IDH2: variants seen among roughly 807,000 people sequenced by gnomAD.
IDH2 encodes isocitrate dehydrogenase (NADP(+)) 2.
Under a neutral mutation model 50.5 loss-of-function variants are expected in IDH2, and 18 were observed. The ratio of observed to expected loss-of-function variants is 0.36; its 90% confidence interval spans 0.25 to 0.53. The LOEUF is 0.53. Among genes scored for constraint, IDH2 ranks in the 20% least tolerant of loss-of-function variants. The pLI is 0.92. For synonymous variants in IDH2, 280 were observed against 239.8 expected, an observed-to-expected ratio of 1.17 and a Z score of -1.55; for missense variants, 518 against 610.7, an observed-to-expected ratio of 0.85 and a Z score of 1.60.
chr15:90,101,391 G>C (rs1901326958), intron 1 of IDH2, among the ~76,000 whole-genome samples: 1 of 152,220 alleles, frequency 6.6e-6, no homozygotes, highest in South Asian at 2.1e-4. Flanking sequence ...TGGGTAGCCA[G>C]GGTGAGGGGG....
In IDH2 at chr15:90,098,637, T is replaced by C. The variant is rs574777548; in HGVS notation, c.115+3639A>G. ...TCGGCTCACTGCAAGCTCCACCTCC[T>C]GGGTTCAGGCAATTCTCCTGCCTCA... On this transcript the variant is annotated intron_variant, in intron 1 of 10. Transcript: ENST00000330062. This position sits in a 1 kb window ranked among gnomAD's most constrained non-coding sequence, Gnocchi z 5.1. 4.3e-4 allele frequency among the ~76,000 whole-genome samples: 64 copies of C among 149,158 alleles called. No individual in the cohort carries two copies. The highest frequency in any genetic ancestry group is 2.3e-3 in the South Asian group (11 of 4,698).
chr15:90,083,869 C>T lies in IDH2; in HGVS notation c.*397G>A, dbSNP rs1005989124. 7 of 318,794 alleles carry T rather than the reference C, an allele frequency of 2.2e-5. No individual in the cohort carries two copies. The East Asian group carries it at 3.7e-4, about 17-fold the overall frequency. The allele number at this position is 318,794 out of a possible 1,614,324, so 19.7% of individuals were successfully genotyped here. A position where few individuals can be genotyped will look rare whatever the true frequency, so the allele number is the denominator to read the frequency against. On this transcript the variant is annotated 3_prime_UTR_variant, in exon 11 of 11. Coordinates refer to ENST00000330062, the MANE Select transcript of IDH2 (RefSeq NM_002168.4). ...CTGGTCCCTTCCCTGCCGTGGCAGC[C>T]CCTTCCTGAGGTGCTCTGGTCTGCC...
chr15:90,084,945 A>C lies in IDH2; in HGVS notation c.1179-37T>G. 6.2e-7 allele frequency: 1 copy of C among 1,612,396 alleles called. No individual in the cohort carries two copies. The highest frequency in any genetic ancestry group is 8.5e-7 in the Non-Finnish European group (1 of 1,178,588). On this transcript the variant is annotated intron_variant, in intron 9 of 10. Transcript: ENST00000330062. This position sits in a 1 kb window ranked among gnomAD's most constrained non-coding sequence, Gnocchi z 5.0. The stretch of plus-strand genomic sequence containing the variant: ...GGGCAGAATGAGACCCCATCTGTGC[A>C]AGGGCAGGACCCAGAGCCTGTCCTG...
At chr15:90,087,620 C>T (rs776428776) in intron 5 of IDH2, 45 bp from the exon 6 acceptor site, 3 of 1,611,134 alleles carry the variant, frequency 1.9e-6, no homozygotes, top group Non-Finnish European at 2.5e-6. Context: ...CCTAGCCTGG[C>T]GATTGCCGGC....
chr15:90,096,170 C>T (rs2151554458), intron 1 of IDH2, among the ~76,000 whole-genome samples: 1 of 152,220 alleles, frequency 6.6e-6, no homozygotes, highest in African/African-American at 2.4e-5. Context: ...TGTGGTGACA[C>T]ACACCTGTAG....
chr15:90,085,001 C>T lies in IDH2; in HGVS notation c.1178G>A (p.Arg393Lys), dbSNP rs1340166037. The T allele has an allele frequency of 6.2e-7, 1 of 1,613,864 alleles. No individual in the cohort carries two copies. Among genetic ancestry groups the T allele is most frequent in the Non-Finnish European group, 8.5e-7 (1 of 1,179,868 alleles). Reference sequence around the variant, plus strand: ...CTCCGGCCTCTCCCTCCATGCTCACCTGATGAGGTCTTGGTTCCCATCCAG... The same window carrying T: ...CTCCGGCCTCTCCCTCCATGCTCACTTGATGAGGTCTTGGTTCCCATCCAG... ...GKLDGNQDLI[R>K]FAQMLEKVCV... The change falls in exon 9 of 11, where the codon AGG becomes AAG. Residue 393 changes from arginine (R) to lysine (K), a missense_variant and splice_region_variant. By Grantham distance (26) the Arg-to-Lys change is conservative. Transcript: ENST00000330062. The surrounding 1 kb of genome is among the most constrained non-coding windows in gnomAD (Gnocchi z 5.5).
Position 90,094,396 on chromosome 15 carries a change from A to G in IDH2, c.116-2752T>C, listed in dbSNP as rs373134013. 6.4e-4 allele frequency among the ~76,000 whole-genome samples: 98 copies of G among 152,334 alleles called. 2 individuals are homozygous for G. The South Asian group carries it at 0.017, about 26-fold the overall frequency. ...TGGGAAGAAGCAGCAAATGCAGAGC[A>G]GGGAACAAGATCTAATAAAACTTCA... is the stretch of plus-strand genomic sequence containing the variant. On this transcript the variant is annotated intron_variant, in intron 1 of 10. Transcript: ENST00000330062.
At position 90,090,314 on chromosome 15, in the gene IDH2, C is replaced by T. The variant is rs148202181; in HGVS notation, c.373+165G>A. Reference sequence around the variant, plus strand: ...TGTCCACCAGGCACACACAGGGAGACTGGCCTCAGGTGCAGTTGGCCTCAG... The same window carrying T: ...TGTCCACCAGGCACACACAGGGAGATTGGCCTCAGGTGCAGTTGGCCTCAG... On this transcript the variant is annotated intron_variant, in intron 3 of 10. Transcript: ENST00000330062. Among the ~76,000 whole-genome samples, 1,440 of 152,344 alleles carry T rather than the reference C, an allele frequency of 9.5e-3. 13 individuals carry two copies. The highest frequency in any genetic ancestry group is 0.044 in the South Asian group (212 of 4,832).
chr15:90,090,599 C>T lies in IDH2; in HGVS notation c.253G>A (p.Gly85Arg), dbSNP rs1316240101. 6.2e-7 allele frequency: 1 copy of T among 1,614,156 alleles called. No individual in the cohort carries two copies. Among genetic ancestry groups the T allele is most frequent in the Non-Finnish European group, 8.5e-7 (1 of 1,180,048 alleles). ...TCAGTCTGGTCACGGTTTGGGAGCC[C>T]GAGGTCAAAATACTTTAGCTGGATG... ...VDIQLKYFDL[G>R]LPNRDQTDDQ... is the part of the protein sequence containing the mutation. The change falls in exon 3 of 11, where the codon GGG (glycine) becomes AGG (arginine). Residue 85 changes from glycine (G) to arginine (R), a missense_variant. Around this residue, in one of 5 missense-constraint regions of IDH2, gnomAD observed 68 missense variants for 109.7 expected, o/e 0.62. Coordinates refer to ENST00000330062, the MANE Select transcript of IDH2 (RefSeq NM_002168.4).
Position 90,088,906 on chromosome 15 carries a change from ATTTT to A in IDH2, c.374-163_374-160del, listed in dbSNP as rs57901991. On this transcript the variant is annotated intron_variant, in intron 3 of 10. Transcript: ENST00000330062. ...AATGTGTGGGCTCTGGAGTCTGCCA[ATTTT>A]TTTTTTTTTTTTTTTTTTTTTGAGA... 1.9e-3 allele frequency among the ~76,000 whole-genome samples: 187 copies of A among 96,502 alleles called. 2 individuals carry two copies. Among genetic ancestry groups the A allele is most frequent in the African/African-American group, 6.5e-3 (173 of 26,552 alleles). The allele number at this position is 96,502 out of a possible 152,430, so 63.3% of individuals were successfully genotyped here. A position where few individuals can be genotyped will look rare whatever the true frequency, so the allele number is the denominator to read the frequency against.
At chr15:90,086,338 A>T (rs1427630223) in intron 7 of IDH2, among the ~76,000 whole-genome samples, 1 of 152,088 alleles carries the variant, frequency 6.6e-6, no homozygotes, top group East Asian at 1.9e-4. Flanking sequence ...TTCCCAACAC[A>T]ATTGGCCCAT....
intron 2 of IDH2, 116 bp downstream of exon 2, chr15:90,091,437 T>C (rs1273352985): frequency 2.6e-6 from 2 of 763,096 alleles, no homozygotes; most frequent in Non-Finnish European, 4.7e-6. Flanking sequence ...GAGCTGCTGC[T>C]GCCTACCAGG....
Position 90,088,481 on chromosome 15 carries a change from C to T in IDH2, c.556G>A (p.Ala186Thr), listed in dbSNP as rs1900934285. The T allele has an allele frequency of 6.2e-7, 1 of 1,614,122 alleles. No homozygotes were observed. The highest frequency in any genetic ancestry group is 1.7e-5 in the Admixed American group (1 of 60,004). Residue 186 changes from alanine to threonine, a missense_variant, in exon 5 of 11, where the codon GCA becomes ACA. Coordinates refer to ENST00000330062, the MANE Select transcript of IDH2 (RefSeq NM_002168.4). ...GDQYKATDFV[A>T]DRAGTFKMVF... ...ATTTTGAAAGTGCCGGCCCGGTCTGCCACAAAGTCTGTGGCCTTGTACTGC... is the reference window on the plus strand; with the variant it reads ...ATTTTGAAAGTGCCGGCCCGGTCTGTCACAAAGTCTGTGGCCTTGTACTGC...
At position 90,100,387 on chromosome 15, in the gene IDH2, T is replaced by G. The variant is rs1248860806; in HGVS notation, c.115+1889A>C. ...GCTTTTCCTCAGTACCTACTAGGCC[T>G]AAACACAACCACCCCAATCAGCTCT... On this transcript the variant is annotated intron_variant, in intron 1 of 10. Transcript: ENST00000330062. This position sits in a 1 kb window ranked among gnomAD's most constrained non-coding sequence, Gnocchi z 4.1. Among the ~76,000 whole-genome samples the G allele has an allele frequency of 6.6e-6, 1 of 152,156 alleles. No homozygotes were observed. The highest frequency in any genetic ancestry group is 6.5e-5 in the Admixed American group (1 of 15,268).
At chr15:90,088,542 C>A (rs142033117) in intron 4 of IDH2, 40 bp from the exon 5 acceptor site, 1 of 1,614,176 alleles carries the variant, frequency 6.2e-7, no homozygotes, top group Non-Finnish European at 8.5e-7. Context: ...GAGCTCCAGT[C>A]GGGGGGTGCC....
In IDH2 at chr15:90,087,212, G is replaced by C; in HGVS notation, c.867C>G (p.Leu289=). Residue 289 remains leucine (L), a synonymous_variant, in exon 7 of 11, where the codon CTC becomes CTG. Coordinates refer to ENST00000330062, the MANE Select transcript of IDH2 (RefSeq NM_002168.4). ...GGACCTGAGCCACCATGTCATCAAT[G>C]AGCCGGTGCTCATACCAGATCTTAT... The part of the protein sequence containing the change: ...DKNKIWYEHR[L]IDDMVAQVLK... 6.2e-7 allele frequency: 1 copy of C among 1,614,144 alleles called. No homozygotes were observed. Among genetic ancestry groups the C allele is most frequent in the Non-Finnish European group, 8.5e-7 (1 of 1,180,020 alleles).
At position 90,100,140 on chromosome 15, in the gene IDH2, C is replaced by G. The variant is rs555599288; in HGVS notation, c.115+2136G>C. Among the ~76,000 whole-genome samples the G allele has an allele frequency of 3.7e-4, 57 of 152,264 alleles. No individual in the cohort carries two copies. The highest frequency in any genetic ancestry group is 1.2e-3 in the African/African-American group (48 of 41,550). On this transcript the variant is annotated intron_variant, in intron 1 of 10. Transcript: ENST00000330062. The surrounding 1 kb of genome is among the most constrained non-coding windows in gnomAD (Gnocchi z 4.1). ...GGCATCTCTCTCCAGCAATAGGCCC[C>G]ATGCCCTGAAGAAGCTTACAACCTA...
At chr15:90,091,714 G>T in intron 1 of IDH2, 70 bp from the exon 2 acceptor site, 2 of 1,235,818 alleles carry the variant, frequency 1.6e-6, no homozygotes, top group Non-Finnish European at 2.4e-6. Context: ...CTCCCAGCCA[G>T]GCCCGCCCTT....
intron 1 of IDH2, among the ~76,000 whole-genome samples, chr15:90,096,720 C>T (rs1461323554): frequency 6.6e-6 from 1 of 152,126 alleles, no homozygotes; most frequent in Non-Finnish European, 1.5e-5. Context: ...CGAGACCATC[C>T]TGGCTAACAC....
Sources: gnomAD v4.1 joint callset for allele counts (sites outside exome capture counted in the v4.1 genomes callset) on GRCh38, gnomAD v4.1.1 for gene constraint, gnomAD v4.1.1 regional missense constraint, Gnocchi (gnomAD v3.1) non-coding constraint, MANE v1.5 for transcripts, NCBI Gene and HGNC (gene_info 2026-07-23, HGNC 2026-07-21) for gene names.